Variants in TUSC3 observed in about 807,000 individuals in gnomAD.
TUSC3 encodes tumor suppressor candidate 3.
In TUSC3, 45 loss-of-function variants were observed where a neutral mutation model predicts 44.8. The ratio of observed to expected loss-of-function variants is 1.00; its 90% CI spans 0.79 to 1.29. The LOEUF is 1.29. TUSC3 is among the 50% of genes most tolerant of loss of function. The probability of loss-of-function intolerance (pLI) is 0.00; values close to 1 mark genes in which losing one functional copy is unlikely to be tolerated. For missense variants in TUSC3, 519 were observed against 437.9 expected (o/e 1.19, Z -1.65); for synonymous variants, 212 against 152.9 (o/e 1.39, Z -2.85).
chr8:15,499,512 C>G (rs147194520), intron 2 of TUSC3, among the ~76,000 whole-genome samples: 1 of 152,144 alleles, frequency 6.6e-6, no homozygotes, highest in African/African-American at 2.4e-5. Context: ...ATTTGAAGTT[C>G]ATGTCAATGG....
At position 15,659,587 on chromosome 8, in the gene TUSC3, A is replaced by G; in HGVS notation, c.507A>G (p.Gln169=). The change falls in exon 4 of 11, where the codon CAA becomes CAG. Residue 169 remains glutamine, a synonymous_variant. Transcript: ENST00000503731. ...RPKRADTFDL[Q]RIGFAAEQLA... ...AGAGAGCTGATACTTTTGACCTCCA[A>G]AGAATTGGATTTGCAGCTGAGCAAC... 1 of 1,613,490 alleles carries G rather than the reference A, an allele frequency of 6.2e-7. No homozygotes were observed. The highest frequency in any genetic ancestry group is 8.5e-7 in the Non-Finnish European group (1 of 1,179,694).
chr8:15,513,215 G>A (rs1459137767), intron 2 of TUSC3, among the ~76,000 whole-genome samples: 1 of 151,804 alleles, frequency 6.6e-6, no homozygotes, highest in South Asian at 2.1e-4. Flanking sequence ...AACCAACTTG[G>A]TAGCTACAAA....
At chr8:15,780,182 G>A in the TUSC3 span, among the ~76,000 whole-genome samples, 2 of 152,066 alleles carry the variant, frequency 1.3e-5, no homozygotes, top group African/African-American at 4.8e-5. Context: ...GAGAAAATCA[G>A]GAATTCAAAG....
intron 2 of TUSC3, among the ~76,000 whole-genome samples, chr8:15,496,304 C>T (rs1800879355): frequency 6.6e-6 from 1 of 152,218 alleles, no homozygotes; most frequent in Non-Finnish European, 1.5e-5. Context: ...ATATCTGGCA[C>T]TCCAGTTTCA....
At chr8:15,843,596 A>AAGTG in the TUSC3 span, among the ~76,000 whole-genome samples, 1 of 136,148 alleles carries the variant, frequency 7.3e-6, no homozygotes, top group African/African-American at 2.7e-5. Flanking sequence ...TGATGTACAT[A>AAGTG]TATATATATA....
intron 9 of TUSC3, 101 bp from the exon 10 acceptor site, chr8:15,757,677 TATCTAGATAAAGA>T: frequency 7.5e-7 from 1 of 1,340,632 alleles, no homozygotes; most frequent in Non-Finnish European, 1.1e-6. Context: ...TCCCCTGTCT[TATCTAGATAAAGA>T]ATGTAGTGCT....
intron 1 of TUSC3, among the ~76,000 whole-genome samples, chr8:15,439,009 C>T (rs745510047): frequency 6.6e-6 from 1 of 152,120 alleles, no homozygotes; most frequent in Non-Finnish European, 1.5e-5. Context: ...GCAATCTATA[C>T]CCTCTGACCG....
chr8:15,645,694 A>G (rs35445780), intron 2 of TUSC3, among the ~76,000 whole-genome samples: 27,685 of 152,056 alleles, frequency 0.18, 3,301 homozygotes, highest in Non-Finnish European at 0.27. Flanking sequence ...AATTGTCATT[A>G]CTAATAGGAT....
chr8:15,711,382 T>C (rs942242908), intron 6 of TUSC3, among the ~76,000 whole-genome samples: 5 of 151,656 alleles, frequency 3.3e-5, no homozygotes, highest in Non-Finnish European at 5.9e-5. Flanking sequence ...ATCTGTGCCA[T>C]TGATAATTTA....
the TUSC3 span, among the ~76,000 whole-genome samples, chr8:15,780,462 G>A: frequency 2.6e-5 from 4 of 152,260 alleles, no homozygotes; most frequent in East Asian, 7.7e-4. Context: ...AAAAAAAAGT[G>A]CAGTTTTGTA....
At chr8:15,750,788 C>T (rs1199248283) in intron 9 of TUSC3, among the ~76,000 whole-genome samples, 4 of 152,038 alleles carry the variant, frequency 2.6e-5, no homozygotes, top group South Asian at 2.1e-4. Flanking sequence ...TGTCAGCTCC[C>T]CACCAGCCTA....
At chr8:15,645,174 T>C (rs1410182855) in intron 2 of TUSC3, among the ~76,000 whole-genome samples, 1 of 152,164 alleles carries the variant, frequency 6.6e-6, no homozygotes, top group Non-Finnish European at 1.5e-5. Flanking sequence ...TCTCAAATAG[T>C]ATTTTGCATA....
chr8:15,847,810 C>T, the TUSC3 span, among the ~76,000 whole-genome samples: 7 of 152,238 alleles, frequency 4.6e-5, no homozygotes, highest in African/African-American at 1.7e-4. Context: ...CTGTATCTAA[C>T]ACAAGACCTG....
At chr8:15,807,347 A>G in the TUSC3 span, 2 of 384,834 alleles carry the variant, frequency 5.2e-6, no homozygotes, top group South Asian at 2.8e-5. Flanking sequence ...AAACAAGTCA[A>G]CAACCACAAC....
intron 1 of TUSC3, among the ~76,000 whole-genome samples, chr8:15,466,389 C>G (rs1800414924): frequency 6.6e-6 from 1 of 152,122 alleles, no homozygotes; most frequent in South Asian, 2.1e-4. Context: ...TACCTTAGAA[C>G]CTAATGTAAG....
chr8:15,420,175 T>C (rs1182376284), intron 1 of TUSC3, among the ~76,000 whole-genome samples: 1 of 152,152 alleles, frequency 6.6e-6, no homozygotes, highest in Non-Finnish European at 1.5e-5. Flanking sequence ...TGACATATCA[T>C]TGGCTTTTAT....
chr8:15,436,420 T>TGAGGGTCTAAC (rs1270142147), intron 1 of TUSC3, among the ~76,000 whole-genome samples: 6 of 152,240 alleles, frequency 3.9e-5, no homozygotes, highest in African/African-American at 1.4e-4. Context: ...CGACCAACAG[T>TGAGGGTCTAAC]GAGGATCTAC....
downstream of TUSC3, among the ~76,000 whole-genome samples, chr8:15,767,655 C>G (rs544986602): frequency 1.6e-4 from 24 of 152,196 alleles, no homozygotes; most frequent in African/African-American, 5.8e-4. Context: ...GGGTTCCTGG[C>G]TTTGGAGGGA....
intron 1 of TUSC3, among the ~76,000 whole-genome samples, chr8:15,449,465 G>C (rs1039177893): frequency 1.3e-5 from 2 of 152,132 alleles, no homozygotes; most frequent in Admixed American, 6.5e-5. Context: ...TCTCTTACCA[G>C]GAAGGAATGC....
Sources: gnomAD v4.1 joint callset for allele counts (sites outside exome capture counted in the v4.1 genomes callset) on GRCh38, gnomAD v4.1.1 for gene constraint, MANE v1.5 for transcripts, NCBI Gene and HGNC (gene_info 2026-07-23, HGNC 2026-07-21) for gene names.